NETO2: variants seen among roughly 807,000 people sequenced by gnomAD.
NETO2 encodes the protein neuropilin and tolloid-like protein 2.
In NETO2, 28 loss-of-function variants were observed where a neutral mutation model predicts 62.5. The observed-to-expected ratio is 0.45, with a 90% CI of 0.33 to 0.61. The LOEUF is 0.61. Ranked by LOEUF, NETO2 falls within the 20% of genes least tolerant of loss-of-function variation. The pLI is 0.02. For missense variants in NETO2, 548 were observed against 643.2 expected, an observed-to-expected ratio of 0.85 and a Z score of 1.60; for synonymous variants, 214 against 219.1, an observed-to-expected ratio of 0.98 and a Z score of 0.21.
chr16:47,142,177 CTG>C (rs1964473232), intron 1 of NETO2, among the ~76,000 whole-genome samples: 1 of 152,114 alleles, frequency 6.6e-6, no homozygotes, highest in Non-Finnish European at 1.5e-5. Context: ...CCAGGAATGA[CTG>C]TAAAAATTAG....
intron 6 of NETO2, among the ~76,000 whole-genome samples, chr16:47,115,310 G>A (rs1963888109): frequency 6.6e-6 from 1 of 152,022 alleles, no homozygotes; most frequent in Admixed American, 6.5e-5. Flanking sequence ...CATCTGTGTA[G>A]ATCATTTTCA....
Position 47,097,535 on chromosome 16 carries a change from A to G in NETO2, c.884-11196T>C, listed in dbSNP as rs532893338. Reference sequence around the variant, plus strand: ...GCAGCAGTCCCAGTCAGGGGCTTATAGATAAAACTCCCATCTCCGTGGGAC... The same window carrying G: ...GCAGCAGTCCCAGTCAGGGGCTTATGGATAAAACTCCCATCTCCGTGGGAC... On this transcript the variant is annotated intron_variant, in intron 7 of 8. Coordinates refer to ENST00000562435, the MANE Select transcript of NETO2 (RefSeq NM_018092.5). Among the ~76,000 whole-genome samples the G allele has an allele frequency of 4.6e-4, 70 of 152,316 alleles. 1 individual carries two copies. The highest frequency in any genetic ancestry group is 1.6e-3 in the African/African-American group (65 of 41,562).
At chr16:47,126,416 G>C (rs1436542357) in intron 4 of NETO2, among the ~76,000 whole-genome samples, 1 of 152,192 alleles carries the variant, frequency 6.6e-6, no homozygotes, top group East Asian at 1.9e-4. Flanking sequence ...ATGACATTCT[G>C]GAAATAGCAA....
intron 7 of NETO2, among the ~76,000 whole-genome samples, chr16:47,107,754 C>A (rs1963705053): frequency 6.6e-6 from 1 of 152,108 alleles, no homozygotes; most frequent in South Asian, 2.1e-4. Context: ...CTTTGAGCAA[C>A]AAAATAGTGT....
intron 2 of NETO2, 90 bp from the exon 3 acceptor site, chr16:47,129,454 T>C: frequency 7.6e-7 from 1 of 1,308,130 alleles, no homozygotes; most frequent in Non-Finnish European, 1.1e-6. Context: ...GATTGCTCAC[T>C]CTATGCTACA....
At chr16:47,097,432 C>A (rs934826571) in intron 7 of NETO2, among the ~76,000 whole-genome samples, 1 of 152,174 alleles carries the variant, frequency 6.6e-6, no homozygotes. Flanking sequence ...CAGAGCCCAC[C>A]GCAGCTCAGC....
At chr16:47,099,307 G>A (rs952919583) in intron 7 of NETO2, among the ~76,000 whole-genome samples, 2 of 152,166 alleles carry the variant, frequency 1.3e-5, no homozygotes, top group African/African-American at 2.4e-5. Context: ...AGCTCCTGAA[G>A]GAAGCACTAA....
Position 47,083,665 on chromosome 16 carries a change from C to T in NETO2, c.1134G>A (p.Met378Ile), listed in dbSNP as rs143369549. 25 of 1,614,178 alleles carry T rather than the reference C, an allele frequency of 1.5e-5. No individual in the cohort carries two copies. The highest frequency in any genetic ancestry group is 2.0e-5 in the Non-Finnish European group (24 of 1,180,042). ...VQVKQPRKKV[M>I]ACKTAFNKTG... ...TTTTATTAAAAGCGGTTTTGCAAGCCATGACCTTTTTTCGAGGCTGTTTCA... is the reference window on the plus strand; with the variant it reads ...TTTTATTAAAAGCGGTTTTGCAAGCTATGACCTTTTTTCGAGGCTGTTTCA... Residue 378 changes from methionine to isoleucine, a missense_variant, in exon 9 of 9, where the codon ATG becomes ATA. Coordinates refer to ENST00000562435, the MANE Select transcript of NETO2 (RefSeq NM_018092.5).
chr16:47,095,229 G>T (rs573098154), intron 7 of NETO2, among the ~76,000 whole-genome samples: 1 of 152,052 alleles, frequency 6.6e-6, no homozygotes, highest in East Asian at 1.9e-4. Context: ...AAGGAAATGC[G>T]AAGGGAATCA....
intron 7 of NETO2, among the ~76,000 whole-genome samples, chr16:47,102,992 CAT>C (rs773111769): frequency 6.6e-4 from 101 of 152,234 alleles, no homozygotes; most frequent in Non-Finnish European, 9.0e-4. Flanking sequence ...CATGCACACA[CAT>C]GTTTATTGTA....
At chr16:47,100,329 A>G (rs2143856218) in intron 7 of NETO2, among the ~76,000 whole-genome samples, 1 of 152,390 alleles carries the variant, frequency 6.6e-6, no homozygotes, top group Admixed American at 6.5e-5. Flanking sequence ...GGAAATTTAC[A>G]GCACTAAATG....
At chr16:47,131,886 T>C (rs1964272602) in intron 2 of NETO2, 83 bp downstream of exon 2, 1 of 1,127,522 alleles carries the variant, frequency 8.9e-7, no homozygotes, top group Non-Finnish European at 1.3e-6. Context: ...ATTATGAAAA[T>C]AGTACCCAAA....
At chr16:47,140,821 T>TGC (rs1964447585) in intron 1 of NETO2, among the ~76,000 whole-genome samples, 1 of 152,218 alleles carries the variant, frequency 6.6e-6, no homozygotes, top group Non-Finnish European at 1.5e-5. Flanking sequence ...TTAAATACAG[T>TGC]GCCAAGGAAT....
intron 1 of NETO2, among the ~76,000 whole-genome samples, chr16:47,133,705 G>C (rs1315175155): frequency 6.6e-6 from 1 of 152,008 alleles, no homozygotes; most frequent in Non-Finnish European, 1.5e-5. Flanking sequence ...AGGTTTTAGG[G>C]AACTCTGAGT....
rs747366006 is a variant in NETO2 at position 47,083,427 on chromosome 16, C to T, written c.1372G>A (p.Glu458Lys). Residue 458 changes from glutamate to lysine, a missense_variant, in exon 9 of 9, where the codon GAA (glutamate) becomes AAA (lysine). Transcript: ENST00000562435. ...GCAAAGTCATTTCGGAAAGGAAGTT[C>T]CATGGAACTGAGGTTGGTCCTGCTT... ...KQSRTNLSSM[E>K]LPFRNDFAQP... 1.9e-6 allele frequency: 3 copies of T among 1,614,156 alleles called. No homozygotes were observed. Among genetic ancestry groups the T allele is most frequent in the South Asian group, 2.2e-5 (2 of 91,076 alleles).
At chr16:47,088,016 G>C (rs1430587076) in intron 7 of NETO2, among the ~76,000 whole-genome samples, 1 of 152,176 alleles carries the variant, frequency 6.6e-6, no homozygotes, top group Non-Finnish European at 1.5e-5. Context: ...TCAGTGTAAA[G>C]AAACAAACAA....
rs759371227 is a variant in NETO2 at position 47,083,660 on chromosome 16, C to A, written c.1139G>T (p.Cys380Phe). 76 of 1,614,016 alleles carry A rather than the reference C, an allele frequency of 4.7e-5. No homozygotes were observed. Among genetic ancestry groups the A allele is most frequent in the Non-Finnish European group, 6.4e-5 (76 of 1,180,036 alleles). Residue 380 changes from cysteine to phenylalanine, a missense_variant, in exon 9 of 9, where the codon TGC becomes TTC. By Grantham distance (205) the Cys-to-Phe change is radical (BLOSUM62 -2). Transcript: ENST00000562435. ...CCCGGTTTTATTAAAAGCGGTTTTG[C>A]AAGCCATGACCTTTTTTCGAGGCTG... ...VKQPRKKVMA[C>F]KTAFNKTGFQ...
chr16:47,143,439 C>G, intron 1 of NETO2, 140 bp downstream of exon 1: 4 of 1,061,840 alleles, frequency 3.8e-6, no homozygotes, highest in Non-Finnish European at 4.7e-6. Context: ...GCGGTCCGCT[C>G]CGAGTAGCCG....
intron 1 of NETO2, among the ~76,000 whole-genome samples, chr16:47,141,464 A>C (rs1299086950): frequency 6.6e-6 from 1 of 151,914 alleles, no homozygotes; most frequent in East Asian, 1.9e-4. Flanking sequence ...GTTTGGTAAA[A>C]AAAAAAAACA....
Sources: gnomAD v4.1 joint callset for allele counts (sites outside exome capture counted in the v4.1 genomes callset) on GRCh38, gnomAD v4.1.1 for gene constraint, MANE v1.5 for transcripts, NCBI Gene and HGNC (gene_info 2026-07-23, HGNC 2026-07-21) for gene names.